ADCY2: variants seen among roughly 807,000 people sequenced by gnomAD.
ADCY2 encodes the protein adenylate cyclase type 2.
A neutral mutation model predicts 125.2 loss-of-function variants in ADCY2; 31 were observed. That is an observed-to-expected ratio of 0.25 (90% CI 0.19 to 0.33). The LOEUF (loss-of-function observed/expected upper bound fraction) is 0.33. Among genes scored for constraint, ADCY2 ranks in the 10% least tolerant of loss-of-function variants. The pLI is 1.00. For synonymous variants in ADCY2, 512 were observed against 548.4 expected, an observed-to-expected ratio of 0.93 and a Z score of 0.93; for missense variants, 904 against 1,418.2, an observed-to-expected ratio of 0.64 and a Z score of 5.82.
intron 13 of ADCY2, among the ~76,000 whole-genome samples, chr5:7,726,792 C>A (rs1347003588): frequency 6.6e-6 from 1 of 152,178 alleles, no homozygotes. Flanking sequence ...AGAAGTCATG[C>A]CCTTTCCCTC....
At chr5:7,682,487 G>A (rs975500636) in intron 4 of ADCY2, among the ~76,000 whole-genome samples, 3 of 152,050 alleles carry the variant, frequency 2.0e-5, no homozygotes, top group Admixed American at 1.3e-4. Flanking sequence ...TTATAAATTC[G>A]AGCGTCTAAG....
intron 3 of ADCY2, among the ~76,000 whole-genome samples, chr5:7,564,719 G>A (rs1181323451): frequency 6.6e-6 from 1 of 152,106 alleles, no homozygotes; most frequent in Admixed American, 6.6e-5. Context: ...AAGGGCCTTG[G>A]GCTTTGAGGA....
At chr5:7,625,325 C>G (rs1327584348) in intron 3 of ADCY2, among the ~76,000 whole-genome samples, 2 of 152,164 alleles carry the variant, frequency 1.3e-5, no homozygotes, top group African/African-American at 4.8e-5. Context: ...AAGCACAAAA[C>G]TACATTCAGA....
chr5:7,735,924 A>T (rs1742235955), intron 14 of ADCY2, among the ~76,000 whole-genome samples: 1 of 152,212 alleles, frequency 6.6e-6, no homozygotes, highest in African/African-American at 2.4e-5. Flanking sequence ...TGGGCCAGGC[A>T]TGCTAGCTCA....
At chr5:7,514,602 G>C (rs1226169517) in intron 2 of ADCY2, among the ~76,000 whole-genome samples, 1 of 152,174 alleles carries the variant, frequency 6.6e-6, no homozygotes, top group Non-Finnish European at 1.5e-5. Flanking sequence ...TTGTGAATGT[G>C]ACCCTTATTT....
At chr5:7,412,842 G>C (rs1454946668) in intron 1 of ADCY2, among the ~76,000 whole-genome samples, 1 of 152,194 alleles carries the variant, frequency 6.6e-6, no homozygotes, top group African/African-American at 2.4e-5. Context: ...GTCAGCTGTA[G>C]AATGGAACTA....
At chr5:7,526,917 C>A (rs898532915) in intron 3 of ADCY2, among the ~76,000 whole-genome samples, 1 of 151,664 alleles carries the variant, frequency 6.6e-6, no homozygotes, top group Non-Finnish European at 1.5e-5. Context: ...AAGAATATAT[C>A]ATTTCTATAT....
intron 1 of ADCY2, among the ~76,000 whole-genome samples, chr5:7,401,953 A>G (rs541966947): frequency 1.5e-4 from 23 of 152,342 alleles, no homozygotes; most frequent in African/African-American, 5.1e-4. Context: ...AATTCATTGA[A>G]CCTGACTCAT....
intron 1 of ADCY2, among the ~76,000 whole-genome samples, chr5:7,408,337 A>G (rs1739580864): frequency 6.6e-6 from 1 of 152,064 alleles, no homozygotes. Flanking sequence ...CACTGTTTTC[A>G]TTATTCTTTG....
chr5:7,636,947 G>T (rs1294196499), intron 4 of ADCY2, among the ~76,000 whole-genome samples: 1 of 152,210 alleles, frequency 6.6e-6, no homozygotes, highest in Non-Finnish European at 1.5e-5. Context: ...TAGCAGAGAA[G>T]AGGAGCCAAG....
chr5:7,739,195 A>T (rs147149446), intron 14 of ADCY2, among the ~76,000 whole-genome samples: 1 of 151,876 alleles, frequency 6.6e-6, no homozygotes, highest in Non-Finnish European at 1.5e-5. Context: ...AAATACAGAA[A>T]CAAATATGAG....
At chr5:7,443,858 C>A (rs1741117151) in intron 2 of ADCY2, among the ~76,000 whole-genome samples, 1 of 151,766 alleles carries the variant, frequency 6.6e-6, no homozygotes, top group South Asian at 2.1e-4. Context: ...GGAATATTTT[C>A]TTGCTGTTTT....
rs1034415587 is a variant in ADCY2, at chr5:7,567,044, A to G, written c.570+46145A>G. ...ACCTACATTTGTGAGATTCTTTTCA[A>G]TCTGTGTCTATCATTGGCATAGTGT... On this transcript the variant is annotated intron_variant, in intron 3 of 24. Coordinates refer to ENST00000338316, the MANE Select transcript of ADCY2 (RefSeq NM_020546.3). 2.0e-4 allele frequency among the ~76,000 whole-genome samples: 31 copies of G among 152,298 alleles called. 1 individual carries two copies. Among genetic ancestry groups the G allele is most frequent in the Admixed American group, 2.0e-3 (30 of 15,298 alleles).
At chr5:7,726,229 A>T (rs991376164) in intron 13 of ADCY2, among the ~76,000 whole-genome samples, 9 of 152,222 alleles carry the variant, frequency 5.9e-5, no homozygotes, top group African/African-American at 9.6e-5. Context: ...ATTTTACCAT[A>T]CAACCTTTCG....
In ADCY2 at chr5:7,396,302, G is replaced by C; in HGVS notation, c.6G>C (p.Trp2Cys). 4 of 1,401,980 alleles carry C rather than the reference G, an allele frequency of 2.9e-6. No individual in the cohort carries two copies. Among genetic ancestry groups the C allele is most frequent in the Non-Finnish European group, 3.7e-6 (4 of 1,072,690 alleles). The allele number at this position is 1,401,980 out of a possible 1,614,324, so 86.8% of individuals were successfully genotyped here. Residue 2 changes from tryptophan (W) to cysteine (C), a missense_variant, in exon 1 of 25, where the codon TGG (tryptophan) becomes TGC (cysteine). By Grantham distance (215) the Trp-to-Cys change is radical. Around this residue, in one of 7 missense-constraint regions of ADCY2, gnomAD observed 113 missense variants for 108.0 expected, o/e 1.05. Coordinates refer to ENST00000338316, the MANE Select transcript of ADCY2 (RefSeq NM_020546.3). This position sits in a 1 kb window ranked among gnomAD's most constrained non-coding sequence, Gnocchi z 5.7. M[W>C]QEAMRRRRYL... ...GCGCCCTGTGAGCGGCCCCGATGTG[G>C]CAGGAGGCGATGCGGCGCCGCCGCT...
chr5:7,678,912 A>G (rs1301607996), intron 4 of ADCY2, among the ~76,000 whole-genome samples: 2 of 152,230 alleles, frequency 1.3e-5, no homozygotes, highest in Non-Finnish European at 1.5e-5. Context: ...GTAATGAGGC[A>G]TTCGGTCACA....
At chr5:7,683,442 G>A (rs1233323393) in intron 4 of ADCY2, among the ~76,000 whole-genome samples, 1 of 152,206 alleles carries the variant, frequency 6.6e-6, no homozygotes, top group Non-Finnish European at 1.5e-5. Context: ...CTGAACAATA[G>A]TGGTTTCTCA....
At chr5:7,719,832 G>A (rs1741704220) in intron 12 of ADCY2, among the ~76,000 whole-genome samples, 1 of 152,094 alleles carries the variant, frequency 6.6e-6, no homozygotes. Flanking sequence ...AACTTTGGTG[G>A]GGGACACAAA....
chr5:7,663,348 A>G (rs1190885532), intron 4 of ADCY2, among the ~76,000 whole-genome samples: 1 of 152,214 alleles, frequency 6.6e-6, no homozygotes, highest in Non-Finnish European at 1.5e-5. Flanking sequence ...CACTGACCCT[A>G]TTCACGCCTA....
Sources: gnomAD v4.1 joint callset for allele counts (sites outside exome capture counted in the v4.1 genomes callset) on GRCh38, gnomAD v4.1.1 for gene constraint, gnomAD v4.1.1 regional missense constraint, Gnocchi (gnomAD v3.1) non-coding constraint, MANE v1.5 for transcripts, NCBI Gene and HGNC (gene_info 2026-07-23, HGNC 2026-07-21) for gene names.